The following ANKRD22 variants were observed in gnomAD, a reference collection of about 807,000 sequenced individuals.
The protein encoded by ANKRD22 is ankyrin repeat domain-containing protein 22.
In ANKRD22, 24 loss-of-function variants were observed where a neutral mutation model predicts 25.7. The observed-to-expected ratio is 0.93, with a 90% CI of 0.68 to 1.31. ANKRD22 has a LOEUF of 1.31. Ranked by LOEUF, ANKRD22 falls within the 50% of genes most tolerant of loss-of-function variation. The pLI is 0.00. For synonymous variants in ANKRD22, 84 were observed against 84.3 expected (o/e 1.00, Z 0.02); for missense variants, 214 against 227.1 (o/e 0.94, Z 0.37).
chr10:88,850,402 C>A (rs1844093217), intron 1 of ANKRD22, among the ~76,000 whole-genome samples: 1 of 152,054 alleles, frequency 6.6e-6, no homozygotes, highest in Non-Finnish European at 1.5e-5. Context: ...TTCAGAAGAT[C>A]TGTATAGACA....
intron 1 of ANKRD22, among the ~76,000 whole-genome samples, chr10:88,834,941 A>C (rs192850695): frequency 6.6e-6 from 1 of 151,614 alleles, no homozygotes; most frequent in African/African-American, 2.4e-5. Flanking sequence ...AAAAAGAAAA[A>C]AAAAGAAAGA....
At chr10:88,842,845 A>T (rs1328738180) in intron 1 of ANKRD22, among the ~76,000 whole-genome samples, 3 of 152,166 alleles carry the variant, frequency 2.0e-5, no homozygotes, top group Non-Finnish European at 2.9e-5. Flanking sequence ...AATAATAGAC[A>T]TAGTGTTATG....
At chr10:88,825,009 TCTCACACACA>T (rs1409933378) in intron 4 of ANKRD22, among the ~76,000 whole-genome samples, 8 of 132,848 alleles carry the variant, frequency 6.0e-5, no homozygotes, top group Non-Finnish European at 9.7e-5. Context: ...TCTCTCTCTC[TCTCACACACA>T]CACACACACA....
rs377061999 is a variant in ANKRD22, at chr10:88,831,900, G to A, written c.148C>T (p.Arg50Ter). ...GDTPLICACRRGHVRIVSFLL... is the reference protein window; with the variant it reads ...GDTPLICACR ...AAGGAAACGATTCTCACATGCCCTCGCCTGCAAGCACAGATCAGGGGCGTG... is the reference window on the plus strand; with the variant it reads ...AAGGAAACGATTCTCACATGCCCTCACCTGCAAGCACAGATCAGGGGCGTG... The change falls in exon 2 of 6, where the codon CGA (arginine) becomes TGA (stop). Residue 50 changes from arginine (R) to a stop codon, truncating the protein, a stop_gained. Transcript: ENST00000371930. LOFTEE classifies it high-confidence loss of function. The A allele has an allele frequency of 3.0e-5, 49 of 1,612,938 alleles. No individual in the cohort carries two copies. Among genetic ancestry groups the A allele is most frequent in the East Asian group, 2.7e-4 (12 of 44,822 alleles).
At chr10:88,827,765 A>G (rs1307949632) in intron 3 of ANKRD22, among the ~76,000 whole-genome samples, 1 of 152,360 alleles carries the variant, frequency 6.6e-6, no homozygotes, top group Middle Eastern at 3.4e-3. Context: ...GGCTGATGTT[A>G]ACAGGTGTAA....
chr10:88,836,834 T>G (rs1843958459), intron 1 of ANKRD22, among the ~76,000 whole-genome samples: 1 of 151,932 alleles, frequency 6.6e-6, no homozygotes, highest in South Asian at 2.1e-4. Flanking sequence ...AGAAAAACGT[T>G]AAGACTCAAA....
In ANKRD22 at chr10:88,820,673, TA is replaced by T; in HGVS notation, c.*2267del. On this transcript the variant is annotated 3_prime_UTR_variant, in exon 6 of 6. Transcript: ENST00000371930. Reference sequence around the variant, plus strand: ...TTTTTCTGTAAATTAAAGTACTTATTAGGTAAATAGAGGTTTTGTATGCTAT... The same window carrying T: ...TTTTTCTGTAAATTAAAGTACTTATTGGTAAATAGAGGTTTTGTATGCTAT... The T allele has an allele frequency of 1.5e-6, 1 of 647,038 alleles. No homozygotes were observed. The highest frequency in any genetic ancestry group is 2.1e-5 in the South Asian group (1 of 47,770). The allele number at this position is 647,038 out of a possible 1,614,324, so 40.1% of individuals were successfully genotyped here.
chr10:88,832,785 A>G (rs1029329798), intron 1 of ANKRD22, among the ~76,000 whole-genome samples: 1 of 152,070 alleles, frequency 6.6e-6, no homozygotes, highest in Non-Finnish European at 1.5e-5. Flanking sequence ...TAATAGCAAG[A>G]CTTCAGGTAG....
intron 1 of ANKRD22, among the ~76,000 whole-genome samples, chr10:88,840,999 G>A (rs17113560): frequency 0.09 from 13,699 of 152,130 alleles, 766 homozygotes; most frequent in Non-Finnish European, 0.13. Context: ...AGTTCCTCAT[G>A]AACGATAGCA....
intron 1 of ANKRD22, 75 bp from the exon 2 acceptor site, chr10:88,832,101 A>G: frequency 1.4e-6 from 2 of 1,381,346 alleles, no homozygotes; most frequent in Non-Finnish European, 2.0e-6. Context: ...AAAAGTCATA[A>G]CCCAATACAT....
At chr10:88,825,853 C>T (rs1396852157) in intron 4 of ANKRD22, among the ~76,000 whole-genome samples, 185 bp downstream of exon 4, 1 of 152,058 alleles carries the variant, frequency 6.6e-6, no homozygotes, top group Non-Finnish European at 1.5e-5. Flanking sequence ...GGTATTATTC[C>T]CATGAGTTCA....
intron 1 of ANKRD22, among the ~76,000 whole-genome samples, chr10:88,835,368 A>G (rs1446536891): frequency 6.6e-6 from 1 of 152,152 alleles, no homozygotes; most frequent in Non-Finnish European, 1.5e-5. Context: ...AAGTACAGTC[A>G]TACTTCACTT....
rs56194758 is a variant in ANKRD22 at position 88,823,827 on chromosome 10, C to CAAAAAAAAAAAAA, written c.400-462_400-450dup. ...TGGGCGACAGAGCGAGACTCCGTCT[C>CAAAAAAAAAAAAA]AAAAAAAAAAAAAAAAAAATTTCTT... On this transcript the variant is annotated intron_variant, in intron 4 of 5. Transcript: ENST00000371930. Among the ~76,000 whole-genome samples, 170 of 103,688 alleles carry CAAAAAAAAAAAAA rather than the reference C, an allele frequency of 1.6e-3. 4 individuals carry two copies. The highest frequency in any genetic ancestry group is 0.014 in the East Asian group (44 of 3,064). 68.0% of individuals were successfully genotyped at this position (103,688 alleles called of 152,430 possible).
At chr10:88,825,713 T>C (rs963382713) in intron 4 of ANKRD22, among the ~76,000 whole-genome samples, 1 of 152,262 alleles carries the variant, frequency 6.6e-6, no homozygotes, top group African/African-American at 2.4e-5. Flanking sequence ...GCCCAGAGTT[T>C]ACTCATGGGC....
At chr10:88,850,403 T>C (rs1844093246) in intron 1 of ANKRD22, among the ~76,000 whole-genome samples, 1 of 152,118 alleles carries the variant, frequency 6.6e-6, no homozygotes, top group Non-Finnish European at 1.5e-5. Flanking sequence ...TCAGAAGATC[T>C]GTATAGACAT....
intron 1 of ANKRD22, among the ~76,000 whole-genome samples, chr10:88,839,002 C>T (rs888476208): frequency 1.3e-5 from 2 of 152,200 alleles, no homozygotes; most frequent in African/African-American, 4.8e-5. Flanking sequence ...ACCTGAAAAG[C>T]TAAGACACAG....
rs181988717 is a variant in ANKRD22 at position 88,844,741 on chromosome 10, A to T, written c.21+6846T>A. Among the ~76,000 whole-genome samples the T allele has an allele frequency of 7.9e-5, 12 of 151,928 alleles. No individual in the cohort carries two copies. In the East Asian group the frequency reaches 1.4e-3, roughly 17 times the overall value. On this transcript the variant is annotated intron_variant, in intron 1 of 5. Transcript: ENST00000371930. ...ACAAGTGGGATTTCCTTAGTTGATT[A>T]AAAAAAAGCCACAATTTTTCTAGCT...
chr10:88,832,103 C>A, intron 1 of ANKRD22, 77 bp from the exon 2 acceptor site: 1 of 1,378,918 alleles, frequency 7.3e-7, no homozygotes, highest in Non-Finnish European at 9.8e-7. Context: ...AAGTCATAAC[C>A]CAATACATTA....
rs753725614 is a variant in ANKRD22, at chr10:88,831,813, T to C, written c.213+22A>G. ...AGAATTATCATGAACAATTACACTC[T>C]CCATTCATGTCATGACCTCACCTGG... On this transcript the variant is annotated intron_variant, in intron 2 of 5. Transcript: ENST00000371930. 9 of 1,571,196 alleles carry C rather than the reference T, an allele frequency of 5.7e-6. No homozygotes were observed. In the South Asian group the frequency reaches 9.5e-5, roughly 17 times the overall value.
Sources: gnomAD v4.1 joint callset for allele counts (sites outside exome capture counted in the v4.1 genomes callset) on GRCh38, gnomAD v4.1.1 for gene constraint, MANE v1.5 for transcripts, NCBI Gene and HGNC (gene_info 2026-07-23, HGNC 2026-07-21) for gene names.